Variants in SLX9 observed in about 807,000 individuals in gnomAD.
SLX9 encodes the protein ribosome biogenesis protein SLX9 homolog.
A neutral mutation model predicts 20.8 loss-of-function variants in SLX9; 19 were observed. The observed-to-expected ratio is 0.91, with a 90% CI of 0.64 to 1.34. The LOEUF (loss-of-function observed/expected upper bound fraction) is 1.34. SLX9 is among the 40% of genes most tolerant of loss of function. The probability of loss-of-function intolerance (pLI) is 0.00; values close to 1 mark genes in which losing one functional copy is unlikely to be tolerated. For synonymous variants in SLX9, 113 were observed against 137.1 expected (o/e 0.82, Z 1.23); for missense variants, 299 against 322.2 (o/e 0.93, Z 0.55).
At chr21:44,956,213 T>A (rs2084855365) in intron 2 of SLX9, among the ~76,000 whole-genome samples, 1 of 152,202 alleles carries the variant, frequency 6.6e-6, no homozygotes, top group Non-Finnish European at 1.5e-5. Flanking sequence ...TCTTTTGAAT[T>A]TGTTCATGTT....
rs1202783248 is a variant in SLX9 at position 44,976,790 on chromosome 21, G to A, written c.680G>A (p.Gly227Asp). The A allele has an allele frequency of 6.5e-7, 1 of 1,545,278 alleles. No homozygotes were observed. Among genetic ancestry groups the A allele is most frequent in the Non-Finnish European group, 8.7e-7 (1 of 1,148,534 alleles). ...GCCCGGCAGATGCAGCTGGAAGATGGCGGCCAGCTCTGACCAGGGCAGCGG... is the reference window on the plus strand; with the variant it reads ...GCCCGGCAGATGCAGCTGGAAGATGACGGCCAGCTCTGACCAGGGCAGCGG... ...TLARQMQLED[G>D]GQL The change falls in exon 6 of 6, where the codon GGC becomes GAC. Residue 227 changes from glycine (G) to aspartate (D), a missense_variant. Coordinates refer to ENST00000291634, the MANE Select transcript of SLX9 (RefSeq NM_058190.4).
chr21:44,964,865 A>C (rs1338001117), intron 3 of SLX9, among the ~76,000 whole-genome samples: 1 of 152,012 alleles, frequency 6.6e-6, no homozygotes, highest in Non-Finnish European at 1.5e-5. Flanking sequence ...TTTAGTATTT[A>C]ATTCATACAT....
chr21:44,946,267 C>T (rs1476917997), intron 2 of SLX9, among the ~76,000 whole-genome samples: 4 of 150,264 alleles, frequency 2.7e-5, no homozygotes, highest in Non-Finnish European at 5.9e-5. Context: ...TTCACATACC[C>T]TTATTTGTGC....
chr21:44,959,078 C>T (rs980881707), intron 2 of SLX9: 3 of 331,150 alleles, frequency 9.1e-6, no homozygotes, highest in Non-Finnish European at 1.3e-5. Flanking sequence ...CCAGGCACAC[C>T]AGGAAGCTGT....
intron 3 of SLX9, 34 bp downstream of exon 3, chr21:44,960,202 G>A (rs1003706521): frequency 1.4e-5 from 23 of 1,604,126 alleles, no homozygotes; most frequent in East Asian, 8.9e-5. Flanking sequence ...GGCAGCTGCC[G>A]GCCCAAGTCC....
intron 2 of SLX9, chr21:44,959,323 C>T (rs17004723): frequency 0.031 from 28,989 of 950,140 alleles, 498 homozygotes; most frequent in South Asian, 0.038. Flanking sequence ...TGAACCGTCT[C>T]GGGAAATCAG....
intron 4 of SLX9, 113 bp from the exon 5 acceptor site, chr21:44,973,084 C>A: frequency 1.7e-6 from 2 of 1,172,768 alleles, no homozygotes; most frequent in South Asian, 2.7e-5. Flanking sequence ...GTGGTTTGGT[C>A]ACCTCTGGCC....
intron 1 of SLX9, among the ~76,000 whole-genome samples, chr21:44,943,132 G>C (rs114883312): frequency 2.6e-5 from 4 of 151,914 alleles, no homozygotes; most frequent in Non-Finnish European, 5.9e-5. Flanking sequence ...GGTCAGGGAC[G>C]GGGGGGTTCT....
At chr21:44,968,109 C>T (rs1020819680) in intron 4 of SLX9, among the ~76,000 whole-genome samples, 4 of 152,166 alleles carry the variant, frequency 2.6e-5, no homozygotes, top group Admixed American at 6.5e-5. Flanking sequence ...ACCCCCCTGC[C>T]CTGGGCAAGG....
intron 3 of SLX9, among the ~76,000 whole-genome samples, chr21:44,962,588 C>CT (rs890479189): frequency 3.2e-4 from 48 of 152,306 alleles, no homozygotes; most frequent in African/African-American, 1.1e-3. Context: ...GGCACCTGGG[C>CT]TTTTTTCCAT....
At chr21:44,968,189 A>G (rs983463909) in intron 4 of SLX9, among the ~76,000 whole-genome samples, 1 of 151,782 alleles carries the variant, frequency 6.6e-6, no homozygotes, top group Middle Eastern at 3.4e-3. Flanking sequence ...TCACCCAGTG[A>G]CACAACCCCG....
chr21:44,951,775 C>T (rs564158917), intron 2 of SLX9, among the ~76,000 whole-genome samples: 53 of 152,284 alleles, frequency 3.5e-4, no homozygotes, highest in Admixed American at 3.1e-3. Context: ...CTGCACGTGC[C>T]AATCACTAAC....
chr21:44,942,022 T>G (rs1359242634), intron 1 of SLX9, among the ~76,000 whole-genome samples: 1 of 152,226 alleles, frequency 6.6e-6, no homozygotes, highest in African/African-American at 2.4e-5. Flanking sequence ...AGGTGACATC[T>G]CTCTCTACTA....
chr21:44,950,828 C>T (rs1433381250), intron 2 of SLX9, among the ~76,000 whole-genome samples: 3 of 152,120 alleles, frequency 2.0e-5, no homozygotes, highest in Non-Finnish European at 2.9e-5. Flanking sequence ...AGGGTTTCTG[C>T]GATCAGCTCC....
intron 2 of SLX9, among the ~76,000 whole-genome samples, chr21:44,956,836 C>T (rs1053859211): frequency 7.9e-5 from 12 of 152,226 alleles, no homozygotes; most frequent in African/African-American, 2.7e-4. Context: ...GCGGCACAGG[C>T]GTGCTGTGTA....
Position 44,943,804 on chromosome 21 carries a change from T to C in SLX9, c.250T>C (p.Ser84Pro). 6.2e-7 allele frequency: 1 copy of C among 1,613,022 alleles called. No homozygotes were observed. Among genetic ancestry groups the C allele is most frequent in the South Asian group, 1.1e-5 (1 of 90,256 alleles). ...TTCCGTCAGGAGAGGTGAGGCAGGC[T>C]CGAGTGCACGGAGCGTCCCTTCCAT... The part of the protein sequence containing the change: ...VTSVRRGEAG[S>P]SARSVPSIRR... The change falls in exon 2 of 6, where the codon TCG (serine) becomes CCG (proline). Residue 84 changes from serine (S) to proline (P), a missense_variant. Physicochemically the swap from Ser to Pro is moderately conservative, Grantham distance 74. Transcript: ENST00000291634.
rs535219131 is a variant in SLX9 at position 44,943,686 on chromosome 21, C to T, written c.132C>T (p.Asp44=). ...TPPPASAAGK[D]WAFINTNIFA... ...TCCGTTTTTGTTGGGGACATTAGGA[C>T]TGGGCGTTCATCAACACCAACATCT... Residue 44 remains aspartate (D), a splice_region_variant and synonymous_variant, in exon 2 of 6, where the codon GAC becomes GAT. Coordinates refer to ENST00000291634, the MANE Select transcript of SLX9 (RefSeq NM_058190.4). The T allele has an allele frequency of 6.2e-7, 1 of 1,614,046 alleles. No individual in the cohort carries two copies. The highest frequency in any genetic ancestry group is 8.5e-7 in the Non-Finnish European group (1 of 1,179,906).
Sources: allele counts gnomAD v4.1 joint callset (sites outside exome capture counted in the v4.1 genomes callset), GRCh38; gene constraint gnomAD v4.1.1; transcripts MANE v1.5; gene names NCBI Gene and HGNC (gene_info 2026-07-23, HGNC 2026-07-21).